The following AMPH variants were observed in gnomAD, a reference collection of about 807,000 sequenced individuals.
The protein encoded by AMPH is amphiphysin (Stiff-Mann syndrome with breast cancer 128kD autoantigen).
Under a neutral mutation model 99.1 loss-of-function variants are expected in AMPH, and 49 were observed. That is an observed-to-expected ratio of 0.49 (90% CI 0.39 to 0.63). The LOEUF is 0.63. AMPH is among the 20% of genes least tolerant of loss of function. The pLI is 0.00. For synonymous variants in AMPH, 314 were observed against 317.3 expected (o/e 0.99, Z 0.11); for missense variants, 759 against 863.4 (o/e 0.88, Z 1.52).
In AMPH at chr7:38,491,055, T is replaced by G. The variant is rs748110437; in HGVS notation, c.391A>C (p.Ile131Leu). ...ATAGACACAGAGTAAAATACCTTTA[T>G]GTCAGGAAATTGCCCCAGGTAGGTA... ...LDTYLGQFPD[I>L]KNRIAKRSRK... The change falls in exon 5 of 21, where the codon ATA becomes CTA. Residue 131 changes from isoleucine (I) to leucine (L), a missense_variant. Physicochemically the swap from Ile to Leu is conservative, Grantham distance 5. Around this residue, in one of 2 missense-constraint regions of AMPH, gnomAD observed 205 missense variants for 287.9 expected, o/e 0.71. Coordinates refer to ENST00000356264, the MANE Select transcript of AMPH (RefSeq NM_001635.4). The G allele has an allele frequency of 3.1e-6, 5 of 1,605,718 alleles. No homozygotes were observed. In the East Asian group the frequency reaches 8.9e-5, roughly 29 times the overall value.
intron 17 of AMPH, among the ~76,000 whole-genome samples, chr7:38,409,371 C>T (rs1284866542): frequency 6.6e-6 from 1 of 152,168 alleles, no homozygotes; most frequent in Non-Finnish European, 1.5e-5. Context: ...TCCAGATCCT[C>T]ATTATGGCCC....
chr7:38,448,588 C>T (rs1319749341), intron 11 of AMPH, among the ~76,000 whole-genome samples: 4 of 152,182 alleles, frequency 2.6e-5, no homozygotes, highest in African/African-American at 7.2e-5. Context: ...TATAGTCTCT[C>T]GCTCGCTTGC....
chr7:38,530,650 G>A (rs953121055), intron 2 of AMPH, among the ~76,000 whole-genome samples: 1 of 152,176 alleles, frequency 6.6e-6, no homozygotes, highest in East Asian at 1.9e-4. Context: ...CTTACTGGGC[G>A]AGTTTATTAG....
chr7:38,498,017 A>G (rs1788994601), intron 3 of AMPH, among the ~76,000 whole-genome samples: 1 of 152,190 alleles, frequency 6.6e-6, no homozygotes, highest in Non-Finnish European at 1.5e-5. Context: ...CTAAATTCCT[A>G]CTGGACATCT....
intron 1 of AMPH, among the ~76,000 whole-genome samples, chr7:38,610,292 GAAAGAAAAGA>G (rs1562860185): frequency 2.8e-4 from 3 of 10,870 alleles, no homozygotes; most frequent in Admixed American, 2.2e-3. Context: ...AAGAAAGAAA[GAAAGAAAAGA>G]AAAGAAAAGA....
chr7:38,389,767 A>C (rs1359094579), intron 20 of AMPH, 37 bp downstream of exon 20: 10 of 1,512,234 alleles, frequency 6.6e-6, no homozygotes, highest in Non-Finnish European at 9.2e-6. Context: ...GAAAAAAATC[A>C]ACGTAGCCCA....
In AMPH at chr7:38,427,009, TTG is replaced by T. The variant is rs750688683; in HGVS notation, c.1183-25_1183-24del. ...AGCCTAAACAGAAACGAAAATCAGA[TTG>T]TGTTATTATTTTTCATTATCATTTT... On this transcript the variant is annotated intron_variant, in intron 14 of 20. Transcript: ENST00000356264. 3.1e-6 allele frequency: 5 copies of T among 1,607,062 alleles called. No homozygotes were observed. The Admixed American group carries it at 5.0e-5, about 16-fold the overall frequency.
intron 2 of AMPH, among the ~76,000 whole-genome samples, chr7:38,508,311 A>C (rs1318591100): frequency 6.6e-6 from 1 of 152,234 alleles, no homozygotes; most frequent in Non-Finnish European, 1.5e-5. Flanking sequence ...TTTATTATTA[A>C]GGTTAAGCAG....
chr7:38,477,926 T>C (rs1788146639), intron 5 of AMPH, among the ~76,000 whole-genome samples: 2 of 152,060 alleles, frequency 1.3e-5, no homozygotes, highest in African/African-American at 4.8e-5. Flanking sequence ...GCATAAAAGC[T>C]TCCTAGGCCC....
intron 14 of AMPH, 199 bp downstream of exon 14, chr7:38,429,643 G>C (rs1785927259): frequency 1.4e-6 from 2 of 1,399,616 alleles, no homozygotes; most frequent in African/African-American, 2.9e-5. Flanking sequence ...AACATGGTAA[G>C]ATTTGATGAG....
At chr7:38,459,106 C>T (rs897041385) in intron 11 of AMPH, among the ~76,000 whole-genome samples, 4 of 151,928 alleles carry the variant, frequency 2.6e-5, no homozygotes, top group African/African-American at 9.7e-5. Context: ...GGAAAGAAAT[C>T]AATATGGCAA....
At chr7:38,574,857 C>T (rs1307988052) in intron 1 of AMPH, among the ~76,000 whole-genome samples, 1 of 151,974 alleles carries the variant, frequency 6.6e-6, no homozygotes, top group Non-Finnish European at 1.5e-5. Flanking sequence ...AGATCAAGAC[C>T]TTCCTGGTCA....
chr7:38,594,701 G>A (rs1190466556), intron 1 of AMPH, among the ~76,000 whole-genome samples: 2 of 152,028 alleles, frequency 1.3e-5, no homozygotes, highest in Non-Finnish European at 2.9e-5. Context: ...AGACTACTAT[G>A]TGGATTCTCC....
At chr7:38,405,362 T>C (rs1007758851) in intron 17 of AMPH, among the ~76,000 whole-genome samples, 1 of 152,168 alleles carries the variant, frequency 6.6e-6, no homozygotes, top group Non-Finnish European at 1.5e-5. Context: ...ATGTCAATAT[T>C]AAACTTGAGC....
At chr7:38,398,571 TG>T (rs552933608) in intron 17 of AMPH, among the ~76,000 whole-genome samples, 19 of 152,306 alleles carry the variant, frequency 1.2e-4, no homozygotes, top group Non-Finnish European at 2.4e-4. Flanking sequence ...GTAGGGGGGA[TG>T]GTTAATGGGC....
chr7:38,473,826 T>A (rs1787985557), intron 7 of AMPH, among the ~76,000 whole-genome samples: 1 of 151,582 alleles, frequency 6.6e-6, no homozygotes, highest in Admixed American at 6.6e-5. Context: ...TAATTTGTGA[T>A]TTTAAATAAA....
chr7:38,545,994 A>C (rs912010409), intron 1 of AMPH, among the ~76,000 whole-genome samples: 4 of 152,206 alleles, frequency 2.6e-5, no homozygotes, highest in African/African-American at 9.6e-5. Flanking sequence ...AGACCAAAAA[A>C]CCAAACCCTA....
At chr7:38,543,288 G>A (rs985244384) in intron 1 of AMPH, among the ~76,000 whole-genome samples, 3 of 152,032 alleles carry the variant, frequency 2.0e-5, no homozygotes, top group African/African-American at 7.2e-5. Flanking sequence ...ACGCTGACCT[G>A]CTGTACAAAT....
chr7:38,396,862 C>A (rs373072969), intron 17 of AMPH, among the ~76,000 whole-genome samples: 1 of 152,144 alleles, frequency 6.6e-6, no homozygotes, highest in Non-Finnish European at 1.5e-5. Context: ...GATTTCTCTA[C>A]GACACTAAGG....
Sources: allele counts gnomAD v4.1 joint callset (sites outside exome capture counted in the v4.1 genomes callset), GRCh38; gene constraint gnomAD v4.1.1; regional missense constraint gnomAD v4.1.1; transcripts MANE v1.5; gene names NCBI Gene and HGNC (gene_info 2026-07-23, HGNC 2026-07-21).